MACROD2: variants seen among roughly 807,000 people sequenced by gnomAD.
MACROD2 encodes the protein ADP-ribose glycohydrolase MACROD2.
In MACROD2, 36 loss-of-function variants were observed where a neutral mutation model predicts 70.4. The ratio of observed to expected loss-of-function variants is 0.51; its 90% CI spans 0.39 to 0.68. The LOEUF (loss-of-function observed/expected upper bound fraction) is 0.68, where lower values mean the gene tolerates loss of function less well. MACROD2 is among the 30% of genes least tolerant of loss of function. The pLI is 0.00. For missense variants in MACROD2, 496 were observed against 538.4 expected, an observed-to-expected ratio of 0.92 and a Z score of 0.78; for synonymous variants, 172 against 178.8, an observed-to-expected ratio of 0.96 and a Z score of 0.30.
intron 3 of MACROD2, among the ~76,000 whole-genome samples, chr20:14,228,092 CTG>C (rs1488361291): frequency 6.6e-6 from 1 of 151,776 alleles, no homozygotes; most frequent in Admixed American, 6.6e-5. Context: ...AAGAAATAAA[CTG>C]AAGTGCTTAG....
intron 3 of MACROD2, among the ~76,000 whole-genome samples, chr20:14,458,838 G>T (rs1342526141): frequency 3.3e-5 from 5 of 152,106 alleles, no homozygotes; most frequent in African/African-American, 9.7e-5. Context: ...TTCAAAAGGA[G>T]CCCATGGAGA....
At chr20:14,263,422 A>T (rs2082116588) in intron 3 of MACROD2, among the ~76,000 whole-genome samples, 1 of 152,150 alleles carries the variant, frequency 6.6e-6, no homozygotes, top group Non-Finnish European at 1.5e-5. Context: ...CCTTTGAAGG[A>T]AACAAGCTCT....
chr20:14,270,150 GGT>G (rs1206606787), intron 3 of MACROD2, among the ~76,000 whole-genome samples: 1 of 151,998 alleles, frequency 6.6e-6, no homozygotes, highest in Non-Finnish European at 1.5e-5. Flanking sequence ...AAGCTTTAAT[GGT>G]GTGTATATAT....
chr20:15,212,126 A>G (rs1285013227), intron 5 of MACROD2, among the ~76,000 whole-genome samples: 1 of 152,134 alleles, frequency 6.6e-6, no homozygotes, highest in African/African-American at 2.4e-5. Context: ...GCACTATTTC[A>G]TGTACTTATT....
rs374803120 is a variant in MACROD2, at chr20:14,550,639, A to T, written c.301+57131A>T. On this transcript the variant is annotated intron_variant, in intron 4 of 17. Coordinates refer to ENST00000684519, the MANE Select transcript of MACROD2 (RefSeq NM_001351661.2). ...CTACTAAATAGTTTTAGCTAAAAGGAGTACCAAGAAAAGCCCTGTCTCCTA... is the reference window on the plus strand; with the variant it reads ...CTACTAAATAGTTTTAGCTAAAAGGTGTACCAAGAAAAGCCCTGTCTCCTA... Among the ~76,000 whole-genome samples the T allele has an allele frequency of 7.4e-4, 112 of 152,334 alleles. No individual in the cohort carries two copies. In the South Asian group the frequency reaches 8.1e-3, roughly 11 times the overall value.
chr20:15,428,836 G>A (rs394042), intron 6 of MACROD2, among the ~76,000 whole-genome samples: 99,922 of 151,948 alleles, frequency 0.66, 33,848 homozygotes, highest in African/African-American at 0.8. Flanking sequence ...AAAAACTCTA[G>A]GAAGGTAGAG....
chr20:15,146,302 A>G (rs1355492636), intron 5 of MACROD2, among the ~76,000 whole-genome samples: 1 of 152,168 alleles, frequency 6.6e-6, no homozygotes, highest in African/African-American at 2.4e-5. Context: ...AAATCTTTGC[A>G]TCATACGGAG....
At chr20:15,358,726 A>G (rs533747439) in intron 6 of MACROD2, among the ~76,000 whole-genome samples, 1 of 152,290 alleles carries the variant, frequency 6.6e-6, no homozygotes, top group Admixed American at 6.5e-5. Context: ...TCAAGATGTC[A>G]GCAGATTTAG....
At chr20:15,410,773 C>T (rs1031934222) in intron 6 of MACROD2, among the ~76,000 whole-genome samples, 5 of 152,136 alleles carry the variant, frequency 3.3e-5, no homozygotes, top group Non-Finnish European at 7.4e-5. Context: ...GGAAAACCAA[C>T]ACGCCTTGCA....
At position 15,587,664 on chromosome 20, in the gene MACROD2, A is replaced by C. The variant is rs139623997; in HGVS notation, c.645+87817A>C. ...GGAGAAATTGGCCAAAATAAAGGGGATACAGGGCCCATGCAAGTCTGAAAT... is the reference window on the plus strand; with the variant it reads ...GGAGAAATTGGCCAAAATAAAGGGGCTACAGGGCCCATGCAAGTCTGAAAT... On this transcript the variant is annotated intron_variant, in intron 8 of 17. Transcript: ENST00000684519. Among the ~76,000 whole-genome samples the C allele has an allele frequency of 9.9e-3, 1,512 of 152,302 alleles. 28 individuals are homozygous for C. The highest frequency in any genetic ancestry group is 0.035 in the African/African-American group (1,439 of 41,574).
At chr20:15,995,458 T>C (rs1297511029) in intron 15 of MACROD2, among the ~76,000 whole-genome samples, 1 of 151,612 alleles carries the variant, frequency 6.6e-6, no homozygotes, top group African/African-American at 2.4e-5. Flanking sequence ...CACGCCATTC[T>C]CCTGCCTCAG....
chr20:15,962,188 T>G (rs1176085272), intron 12 of MACROD2, among the ~76,000 whole-genome samples: 2 of 152,164 alleles, frequency 1.3e-5, no homozygotes, highest in East Asian at 3.9e-4. Context: ...AAGTACACAG[T>G]TAAAATCTCA....
chr20:14,897,177 A>T (rs2073840403), intron 5 of MACROD2, among the ~76,000 whole-genome samples: 1 of 152,156 alleles, frequency 6.6e-6, no homozygotes, highest in Non-Finnish European at 1.5e-5. Context: ...CAAGATAAGC[A>T]GGTCTGTGTG....
At chr20:15,552,017 G>A (rs2048106111) in intron 8 of MACROD2, 1 of 151,676 alleles carries the variant, frequency 6.6e-6, no homozygotes, top group South Asian at 2.1e-4. Context: ...TTTTCTTCAA[G>A]GAAATCTATG....
rs184337867 is a variant in MACROD2 at position 15,509,379 on chromosome 20, A to C, written c.645+9532A>C. Among the ~76,000 whole-genome samples, 181 of 152,336 alleles carry C rather than the reference A, an allele frequency of 1.2e-3. 1 individual carries two copies. Among genetic ancestry groups the C allele is most frequent in the African/African-American group, 4.1e-3 (170 of 41,570 alleles). ...GAGAGACTAAGAAATAGCATGAGAC[A>C]GGTGAAATGCAAACTCTTTAAAATC... On this transcript the variant is annotated intron_variant, in intron 8 of 17. Transcript: ENST00000684519.
chr20:15,345,503 T>G (rs1353903980), intron 6 of MACROD2, among the ~76,000 whole-genome samples: 1 of 152,212 alleles, frequency 6.6e-6, no homozygotes, highest in East Asian at 1.9e-4. Flanking sequence ...TGGCTCCTAC[T>G]GGCCAAATCT....
chr20:14,400,243 T>C (rs2083623811), intron 3 of MACROD2, among the ~76,000 whole-genome samples: 1 of 152,196 alleles, frequency 6.6e-6, no homozygotes, highest in South Asian at 2.1e-4. Flanking sequence ...CAAGCCTTGC[T>C]TTTAAGGTTT....
intron 5 of MACROD2, among the ~76,000 whole-genome samples, chr20:14,958,601 T>C (rs1029195796): frequency 6.6e-6 from 1 of 152,192 alleles, no homozygotes; most frequent in African/African-American, 2.4e-5. Context: ...ATCCGCTGAT[T>C]AGCCCGGTTC....
intron 8 of MACROD2, among the ~76,000 whole-genome samples, chr20:15,826,120 T>C (rs117988968): frequency 0.014 from 2,072 of 152,320 alleles, 18 homozygotes; most frequent in East Asian, 0.023. Flanking sequence ...AAAACTTTGA[T>C]CATAAAGAGA....
Sources: gnomAD v4.1 joint callset for allele counts (sites outside exome capture counted in the v4.1 genomes callset) on GRCh38, gnomAD v4.1.1 for gene constraint, MANE v1.5 for transcripts, NCBI Gene and HGNC (gene_info 2026-07-23, HGNC 2026-07-21) for gene names.